SLC8A2: variants seen among roughly 807,000 people sequenced by gnomAD.
The protein encoded by SLC8A2 is solute carrier family 8 member A2.
Under a neutral mutation model 70.2 loss-of-function variants are expected in SLC8A2, and 14 were observed. That is an observed-to-expected ratio of 0.20 (90% CI 0.13 to 0.31). SLC8A2 has a LOEUF of 0.31. Ranked by LOEUF, SLC8A2 falls within the 10% of genes least tolerant of loss-of-function variation. The pLI is 1.00. For synonymous variants in SLC8A2, 575 were observed against 594.3 expected (o/e 0.97, Z 0.47); for missense variants, 779 against 1,320.1 (o/e 0.59, Z 6.35).
In SLC8A2 at chr19:47,447,689, G is replaced by T; in HGVS notation, c.1763+120C>A. 1 of 1,095,142 alleles carries T rather than the reference G, an allele frequency of 9.1e-7. No homozygotes were observed. Among genetic ancestry groups the T allele is most frequent in the Non-Finnish European group, 1.2e-6 (1 of 812,052 alleles). The allele number at this position is 1,095,142 out of a possible 1,614,324, so 67.8% of individuals were successfully genotyped here. ...CCACGCAGGCCCCTCCCCTCCCGAG[G>T]CCCAACCAAGACCCGCCCACTATGT... On this transcript the variant is annotated intron_variant, in intron 4 of 9. Coordinates refer to ENST00000236877, the MANE Select transcript of SLC8A2 (RefSeq NM_015063.3). This position sits in a 1 kb window ranked among gnomAD's most constrained non-coding sequence, Gnocchi z 5.1.
Position 47,441,355 on chromosome 19 carries a change from G to A in SLC8A2, c.1849C>T (p.Leu617Phe), listed in dbSNP as rs772709158. 34 of 1,612,846 alleles carry A rather than the reference G, an allele frequency of 2.1e-5. No homozygotes were observed. The highest frequency in any genetic ancestry group is 2.7e-5 in the Non-Finnish European group (32 of 1,178,948). Residue 617 changes from leucine to phenylalanine, a missense_variant, in exon 5 of 10, where the codon CTT (leucine) becomes TTT (phenylalanine). This residue lies in a region of SLC8A2 where 247 missense variants were observed against 362.8 expected (regional missense o/e 0.68). Transcript: ENST00000236877. ...CCCTCACCTGAAATCCCTCGCTTAA[G>A]CCACTGGGGCTGGCCCAGCTCAATG... ...FFIELGQPQW[L>F]KRGISALLLN...
At chr19:47,441,897 A>AT (rs1299675770) in intron 4 of SLC8A2, among the ~76,000 whole-genome samples, 1 of 152,192 alleles carries the variant, frequency 6.6e-6, no homozygotes, top group Non-Finnish European at 1.5e-5. Context: ...AGGTCAAGAG[A>AT]TTGAGACCAT....
chr19:47,448,102 C>T lies in SLC8A2; in HGVS notation c.1470G>A (p.Ala490=). 1.2e-6 allele frequency: 2 copies of T among 1,609,080 alleles called. No individual in the cohort carries two copies. Among genetic ancestry groups the T allele is most frequent in the South Asian group, 1.1e-5 (1 of 90,596 alleles). ...CGCCGTCCGGCTCGAACATGCCCTG[C>T]GCGTCGCCCACGCGCAGGTTCAGCA... ...VRLLNLRVGD[A]QGMFEPDGGG... The change falls in exon 4 of 10, where the codon GCG becomes GCA. Residue 490 remains alanine, a synonymous_variant. Coordinates refer to ENST00000236877, the MANE Select transcript of SLC8A2 (RefSeq NM_015063.3). This position sits in a 1 kb window ranked among gnomAD's most constrained non-coding sequence, Gnocchi z 4.8.
chr19:47,459,036 CTCTG>C (rs2122646282), intron 2 of SLC8A2, among the ~76,000 whole-genome samples: 1 of 150,422 alleles, frequency 6.6e-6, no homozygotes, highest in African/African-American at 2.4e-5. Flanking sequence ...TCCTCTCCAT[CTCTG>C]TCTCTCTGTT....
chr19:47,438,519 G>C (rs1416760712), intron 6 of SLC8A2, among the ~76,000 whole-genome samples: 1 of 152,004 alleles, frequency 6.6e-6, no homozygotes, highest in Non-Finnish European at 1.5e-5. Context: ...ATCCGATTTT[G>C]GCACAAATCT....
intron 6 of SLC8A2, among the ~76,000 whole-genome samples, chr19:47,439,355 C>G (rs1967070143): frequency 6.6e-6 from 1 of 152,014 alleles, no homozygotes. Context: ...TGGTGAAACC[C>G]CATCTCTACT....
At chr19:47,440,359 C>A (rs147136091) in intron 6 of SLC8A2, among the ~76,000 whole-genome samples, 1 of 152,182 alleles carries the variant, frequency 6.6e-6, no homozygotes, top group Non-Finnish European at 1.5e-5. Flanking sequence ...CCTAATCAAC[C>A]CCAAACTGGA....
At chr19:47,469,908 G>A (rs1312944809) in intron 1 of SLC8A2, among the ~76,000 whole-genome samples, 2 of 152,208 alleles carry the variant, frequency 1.3e-5, no homozygotes, top group South Asian at 2.1e-4. Flanking sequence ...TCTGCCTCAC[G>A]TGCCTCTTAG....
At chr19:47,458,344 G>T (rs1158828038) in intron 2 of SLC8A2, among the ~76,000 whole-genome samples, 1 of 111,898 alleles carries the variant, frequency 8.9e-6, no homozygotes, top group African/African-American at 3.5e-5. Flanking sequence ...GCCTCTCCCT[G>T]TCTCTCTTTC....
intron 3 of SLC8A2, among the ~76,000 whole-genome samples, chr19:47,452,831 G>A (rs1480212991): frequency 6.6e-6 from 1 of 152,056 alleles, no homozygotes; most frequent in Admixed American, 6.6e-5. Flanking sequence ...TCAGGAGTTT[G>A]AGACCAGCCT....
chr19:47,471,517 A>G (rs1420175841), intron 1 of SLC8A2, among the ~76,000 whole-genome samples: 1 of 142,502 alleles, frequency 7.0e-6, no homozygotes, highest in African/African-American at 2.6e-5. Flanking sequence ...GGGGTGCCCC[A>G]GACGGGGTGG....
rs193157874 is a variant in SLC8A2, at chr19:47,468,878, G to A, written c.-16-2459C>T. Among the ~76,000 whole-genome samples the A allele has an allele frequency of 2.6e-3, 393 of 152,236 alleles. No individual in the cohort carries two copies. Among genetic ancestry groups the A allele is most frequent in the Non-Finnish European group, 3.5e-3 (238 of 68,018 alleles). On this transcript the variant is annotated intron_variant, in intron 1 of 9. Coordinates refer to ENST00000236877, the MANE Select transcript of SLC8A2 (RefSeq NM_015063.3). This position sits in a 1 kb window ranked among gnomAD's most constrained non-coding sequence, Gnocchi z 5.1. ...ACCCAGTGGCTTATCAAAAAGAGAA[G>A]GAGAGAGGAAGAGAGGTGTCCTGGG...
chr19:47,432,117 T>C lies in SLC8A2; in HGVS notation c.2389+50A>G, dbSNP rs760319103. ...TTTTGGCAGGATCCTGTGTTGCCCC[T>C]GCCTGGCTCATCTGAGATCCTACCC... On this transcript the variant is annotated intron_variant, in intron 9 of 9. Coordinates refer to ENST00000236877, the MANE Select transcript of SLC8A2 (RefSeq NM_015063.3). The surrounding 1 kb of genome is among the most constrained non-coding windows in gnomAD (Gnocchi z 6.2). 2.0e-6 allele frequency: 3 copies of C among 1,531,408 alleles called. No individual in the cohort carries two copies. The highest frequency in any genetic ancestry group is 2.7e-6 in the Non-Finnish European group (3 of 1,129,112). The allele number at this position is 1,531,408 out of a possible 1,614,324, so 94.9% of individuals were successfully genotyped here.
At position 47,430,073 on chromosome 19, in the gene SLC8A2, GTC is replaced by G; in HGVS notation, c.*14_*15del. 3.8e-6 allele frequency: 6 copies of G among 1,571,150 alleles called. No individual in the cohort carries two copies. Among genetic ancestry groups the G allele is most frequent in the Non-Finnish European group, 5.2e-6 (6 of 1,157,916 alleles). On this transcript the variant is annotated 3_prime_UTR_variant, in exon 10 of 10. Coordinates refer to ENST00000236877, the MANE Select transcript of SLC8A2 (RefSeq NM_015063.3). This position sits in a 1 kb window ranked among gnomAD's most constrained non-coding sequence, Gnocchi z 5.9. ...AGCCCCGGGCGGGCGGTGGGGACGA[GTC>G]TCTGCGCGAGGCCCTAGAAGCCCCG... is the stretch of plus-strand genomic sequence containing the variant.
intron 9 of SLC8A2, among the ~76,000 whole-genome samples, chr19:47,431,426 G>A (rs1446742977): frequency 2.0e-5 from 3 of 151,154 alleles, no homozygotes; most frequent in Non-Finnish European, 3.0e-5. Flanking sequence ...AGAGGTGGGC[G>A]GATCACGAGG....
In SLC8A2 at chr19:47,448,510, G is replaced by C. The variant is rs573016398; in HGVS notation, c.1341-279C>G. Among the ~76,000 whole-genome samples the C allele has an allele frequency of 4.5e-4, 68 of 152,288 alleles. No individual in the cohort carries two copies. In the South Asian group the frequency reaches 5.4e-3, roughly 12 times the overall value. Reference sequence around the variant, plus strand: ...TGGGAATTAAACAGGTAATGATAAGGTTGAGATCAGGGCAGGCTTCCTGGA... The same window carrying C: ...TGGGAATTAAACAGGTAATGATAAGCTTGAGATCAGGGCAGGCTTCCTGGA... On this transcript the variant is annotated intron_variant, in intron 3 of 9. Transcript: ENST00000236877. The surrounding 1 kb of genome is among the most constrained non-coding windows in gnomAD (Gnocchi z 4.8).
chr19:47,437,957 C>A lies in SLC8A2; in HGVS notation c.1902G>T (p.Lys634Asn). The change falls in exon 7 of 10, where the codon AAG (lysine) becomes AAT (asparagine). Residue 634 changes from lysine to asparagine, a missense_variant. Lys to Asn is a moderately conservative substitution (Grantham distance 94). This residue lies in a region of SLC8A2 where 247 missense variants were observed against 362.8 expected (regional missense o/e 0.68). Coordinates refer to ENST00000236877, the MANE Select transcript of SLC8A2 (RefSeq NM_015063.3). The part of the protein sequence containing the change: ...LLLNQGDGDR[K>N]LTAEEEEARR... ...GAGCCTCCTCCTCCTCGGCTGTTAGCTTCCTGTCCCCATCCCCTGCAGCAT... is the reference window on the plus strand; with the variant it reads ...GAGCCTCCTCCTCCTCGGCTGTTAGATTCCTGTCCCCATCCCCTGCAGCAT... 1 of 1,614,148 alleles carries A rather than the reference C, an allele frequency of 6.2e-7. No homozygotes were observed. Among genetic ancestry groups the A allele is most frequent in the African/African-American group, 1.3e-5 (1 of 75,028 alleles).
In SLC8A2 at chr19:47,437,949, G is replaced by T; in HGVS notation, c.1910C>A (p.Ala637Asp). ...NQGDGDRKLT[A>D]EEEEARRIAE... is the part of the protein sequence containing the mutation. ...TATCCTCCGAGCCTCCTCCTCCTCGGCTGTTAGCTTCCTGTCCCCATCCCC... is the reference window on the plus strand; with the variant it reads ...TATCCTCCGAGCCTCCTCCTCCTCGTCTGTTAGCTTCCTGTCCCCATCCCC... Residue 637 changes from alanine (A) to aspartate (D), a missense_variant, in exon 7 of 10, where the codon GCC (alanine) becomes GAC (aspartate). Ala to Asp is a moderately radical substitution (Grantham distance 126). Around this residue, in one of 6 missense-constraint regions of SLC8A2, gnomAD observed 247 missense variants for 362.8 expected, o/e 0.68. Transcript: ENST00000236877. 1 of 1,614,084 alleles carries T rather than the reference G, an allele frequency of 6.2e-7. No individual in the cohort carries two copies.
At chr19:47,435,549 C>CA (rs1568439685) in intron 8 of SLC8A2, among the ~76,000 whole-genome samples, 15 of 120,332 alleles carry the variant, frequency 1.2e-4, no homozygotes, top group African/African-American at 4.7e-4. Flanking sequence ...TTCTTTTCTT[C>CA]GTTTTTTTTT....
Sources: gnomAD v4.1 joint callset for allele counts (sites outside exome capture counted in the v4.1 genomes callset) on GRCh38, gnomAD v4.1.1 for gene constraint, gnomAD v4.1.1 regional missense constraint, Gnocchi (gnomAD v3.1) non-coding constraint, MANE v1.5 for transcripts, NCBI Gene and HGNC (gene_info 2026-07-23, HGNC 2026-07-21) for gene names.